Variants in NEO1 observed in about 807,000 individuals in gnomAD.
The protein encoded by NEO1 is neogenin.
A neutral mutation model predicts 159.7 loss-of-function variants in NEO1; 63 were observed. The ratio of observed to expected loss-of-function variants is 0.39; its 90% CI spans 0.32 to 0.49. NEO1 has a LOEUF of 0.49. Among genes scored for constraint, NEO1 ranks in the 20% least tolerant of loss-of-function variants. NEO1 has a pLI of 0.85. For synonymous variants in NEO1, 633 were observed against 662.0 expected (o/e 0.96, Z 0.67); for missense variants, 1,615 against 1,831.0 (o/e 0.88, Z 2.15).
At chr15:73,295,125 A>AATATATATATATATATATATAT (rs10524460) in intron 26 of NEO1, among the ~76,000 whole-genome samples, 1,767 of 99,450 alleles carry the variant, frequency 0.018, 84 homozygotes, top group Admixed American at 0.042. Context: ...CTAAATATTA[A>AATATATATATATATATATATAT]ATATATATAT....
In NEO1 at chr15:73,116,812, A is replaced by G; in HGVS notation, c.403A>G (p.Ser135Gly). ...GYYQCVATVE[S>G]LGTIISRTAK... The stretch of plus-strand genomic sequence containing the variant: ...TTATCAGTGTGTGGCCACTGTTGAG[A>G]GTCTTGGAACTATTATCAGTAGAAC... The change falls in exon 2 of 29, where the codon AGT becomes GGT. Residue 135 changes from serine (S) to glycine (G), a missense_variant. By Grantham distance (56) the Ser-to-Gly change is moderately conservative. Around this residue, in one of 3 missense-constraint regions of NEO1, gnomAD observed 1,018 missense variants for 1,115.4 expected, o/e 0.91. Coordinates refer to ENST00000261908, the MANE Select transcript of NEO1 (RefSeq NM_002499.4). 6.2e-7 allele frequency: 1 copy of G among 1,609,568 alleles called. No individual in the cohort carries two copies. Among genetic ancestry groups the G allele is most frequent in the Non-Finnish European group, 8.5e-7 (1 of 1,178,378 alleles).
chr15:73,292,606 A>C (rs1169836476), intron 25 of NEO1, among the ~76,000 whole-genome samples: 1 of 152,242 alleles, frequency 6.6e-6, no homozygotes, highest in Admixed American at 6.5e-5. Flanking sequence ...TAGTATGTGA[A>C]ATCTGTGTGG....
At chr15:73,278,108 T>C in intron 21 of NEO1, 23 bp from the exon 22 acceptor site, 1 of 1,604,480 alleles carries the variant, frequency 6.2e-7, no homozygotes, top group Non-Finnish European at 8.5e-7. Context: ...GGGTCATTAT[T>C]GACATGATTT....
chr15:73,185,600 T>C (rs1021273438), intron 7 of NEO1, among the ~76,000 whole-genome samples: 3 of 152,194 alleles, frequency 2.0e-5, no homozygotes, highest in Non-Finnish European at 2.9e-5. Flanking sequence ...AACATTTTTA[T>C]CATAAAATTT....
intron 15 of NEO1, among the ~76,000 whole-genome samples, chr15:73,263,474 C>T (rs768354821): frequency 1.3e-5 from 2 of 151,914 alleles, no homozygotes; most frequent in Admixed American, 6.5e-5. Flanking sequence ...GGATTACAGG[C>T]GTGAGCCACT....
At chr15:73,217,561 A>G (rs1005653402) in intron 7 of NEO1, among the ~76,000 whole-genome samples, 2 of 152,220 alleles carry the variant, frequency 1.3e-5, no homozygotes, top group Admixed American at 1.3e-4. Flanking sequence ...CCTATCCATG[A>G]GCATGGAATG....
intron 1 of NEO1, among the ~76,000 whole-genome samples, chr15:73,103,437 G>T (rs1178502097): frequency 6.6e-6 from 1 of 152,182 alleles, no homozygotes; most frequent in Admixed American, 6.5e-5. Flanking sequence ...CTTTGACAGA[G>T]TGTCTTCTGC....
chr15:73,214,854 G>A (rs2037785463), intron 7 of NEO1, among the ~76,000 whole-genome samples: 1 of 152,044 alleles, frequency 6.6e-6, no homozygotes, highest in African/African-American at 2.4e-5. Context: ...CATTGAATTT[G>A]TAGATTGCTT....
chr15:73,276,098 C>T (rs142612375), intron 21 of NEO1, among the ~76,000 whole-genome samples: 1 of 152,260 alleles, frequency 6.6e-6, no homozygotes, highest in Non-Finnish European at 1.5e-5. Flanking sequence ...TATATATGCA[C>T]AGAATATAAA....
intron 9 of NEO1, among the ~76,000 whole-genome samples, chr15:73,247,520 C>T (rs1307107040): frequency 6.6e-6 from 1 of 152,114 alleles, no homozygotes; most frequent in Non-Finnish European, 1.5e-5. Context: ...ACAAAATATG[C>T]CCTTAACTGA....
intron 2 of NEO1, among the ~76,000 whole-genome samples, chr15:73,119,561 T>G (rs145449207): frequency 4.9e-4 from 74 of 152,302 alleles, no homozygotes; most frequent in African/African-American, 1.8e-3. Context: ...ATACAGACAT[T>G]GTTAATATCT....
chr15:73,054,460 A>G (rs564811672), intron 1 of NEO1, among the ~76,000 whole-genome samples: 1 of 152,212 alleles, frequency 6.6e-6, no homozygotes, highest in Non-Finnish European at 1.5e-5. Flanking sequence ...TGGAGTTTAC[A>G]GTCTGGTGTG....
chr15:73,250,880 T>G (rs1278398724), intron 11 of NEO1, among the ~76,000 whole-genome samples: 1 of 152,166 alleles, frequency 6.6e-6, no homozygotes, highest in African/African-American at 2.4e-5. Flanking sequence ...CAATAGTAAA[T>G]ATTAGATATG....
At chr15:73,170,659 A>G (rs1388732346) in intron 5 of NEO1, among the ~76,000 whole-genome samples, 1 of 152,230 alleles carries the variant, frequency 6.6e-6, no homozygotes, top group African/African-American at 2.4e-5. Context: ...AAAAATCCTC[A>G]GCAATTACCT....
At chr15:73,122,929 G>C (rs1294016187) in intron 3 of NEO1, 129 bp downstream of exon 3, 7 of 1,156,212 alleles carry the variant, frequency 6.1e-6, no homozygotes, top group Middle Eastern at 2.8e-4. Context: ...CAGCACTTTG[G>C]GAGGTTGAAG....
chr15:73,180,671 C>T (rs2035553890), intron 7 of NEO1, among the ~76,000 whole-genome samples: 1 of 152,132 alleles, frequency 6.6e-6, no homozygotes, highest in African/African-American at 2.4e-5. Flanking sequence ...CAGGAAGTTC[C>T]TAAACTAATC....
intron 5 of NEO1, chr15:73,162,038 T>A: frequency 4.1e-6 from 1 of 243,040 alleles, no homozygotes; most frequent in Admixed American, 4.2e-5. Flanking sequence ...TCCATTTTGG[T>A]TTGATTTTTG....
At chr15:73,175,053 C>T (rs1382955741) in intron 5 of NEO1, among the ~76,000 whole-genome samples, 1 of 152,060 alleles carries the variant, frequency 6.6e-6, no homozygotes, top group African/African-American at 2.4e-5. Context: ...GTTTAGATTT[C>T]TCTTCAGGGC....
chr15:73,214,237 C>T (rs1443496163), intron 7 of NEO1, among the ~76,000 whole-genome samples: 1 of 152,142 alleles, frequency 6.6e-6, no homozygotes, highest in Non-Finnish European at 1.5e-5. Flanking sequence ...GTTTACTCTG[C>T]TGACTGTTAC....
Sources: gnomAD v4.1 joint callset for allele counts (sites outside exome capture counted in the v4.1 genomes callset) on GRCh38, gnomAD v4.1.1 for gene constraint, gnomAD v4.1.1 regional missense constraint, MANE v1.5 for transcripts, NCBI Gene and HGNC (gene_info 2026-07-23, HGNC 2026-07-21) for gene names.